Variants in NBEA observed in about 807,000 individuals in gnomAD.
The protein encoded by NBEA is neurobeachin.
Under a neutral mutation model 343.4 loss-of-function variants are expected in NBEA, and 44 were observed. That is an observed-to-expected ratio of 0.13 (90% confidence interval 0.10 to 0.16). NBEA has a LOEUF of 0.16. Ranked by LOEUF, NBEA falls within the 10% of genes least tolerant of loss-of-function variation. The pLI is 1.00. For missense variants in NBEA, 2,555 were observed against 3,631.3 expected, an observed-to-expected ratio of 0.70 and a Z score of 7.62; for synonymous variants, 1,175 against 1,238.7, an observed-to-expected ratio of 0.95 and a Z score of 1.08.
At chr13:35,245,171 T>G (rs2152781731) in intron 34 of NBEA, among the ~76,000 whole-genome samples, 1 of 152,272 alleles carries the variant, frequency 6.6e-6, no homozygotes, top group South Asian at 2.1e-4. Flanking sequence ...CCTTTTACCT[T>G]AATTTTATGT....
At chr13:35,483,089 A>G (rs1283762079) in intron 41 of NBEA, among the ~76,000 whole-genome samples, 1 of 151,996 alleles carries the variant, frequency 6.6e-6, no homozygotes, top group East Asian at 1.9e-4. Flanking sequence ...AATATTTCAG[A>G]TATATAAGCA....
chr13:35,286,896 A>G (rs761342183), intron 34 of NBEA, among the ~76,000 whole-genome samples: 3 of 151,988 alleles, frequency 2.0e-5, no homozygotes. Context: ...GTTTTTTTGG[A>G]TAATGGTTTA....
Position 35,206,133 on chromosome 13 carries a change from A to G in NBEA, c.5367-2567A>G, listed in dbSNP as rs899288035. On this transcript the variant is annotated intron_variant, in intron 31 of 58. Transcript: ENST00000379939. ...CATTTAACCTGTCTATATTTTACTT[A>G]TAAGTCATAATTATGGGATTTAGAG... is the stretch of plus-strand genomic sequence containing the variant. 3.9e-5 allele frequency among the ~76,000 whole-genome samples: 6 copies of G among 152,224 alleles called. No individual in the cohort carries two copies. The East Asian group carries it at 7.7e-4, about 20-fold the overall frequency.
At chr13:35,100,550 G>A (rs2065593513) in intron 11 of NBEA, among the ~76,000 whole-genome samples, 1 of 151,854 alleles carries the variant, frequency 6.6e-6, no homozygotes, top group Non-Finnish European at 1.5e-5. Context: ...ATTTCTGTGA[G>A]GACTTACCCC....
intron 41 of NBEA, among the ~76,000 whole-genome samples, chr13:35,523,441 G>A (rs2077815905): frequency 1.3e-5 from 2 of 152,164 alleles, no homozygotes; most frequent in South Asian, 2.1e-4. Context: ...TGTTTCCTGT[G>A]AGACATTCAG....
At position 35,404,743 on chromosome 13, in the gene NBEA, T is replaced by G. The variant is rs184781907; in HGVS notation, c.6180-27526T>G. On this transcript the variant is annotated intron_variant, in intron 38 of 58. Coordinates refer to ENST00000379939, the MANE Select transcript of NBEA (RefSeq NM_001385012.1). The stretch of plus-strand genomic sequence containing the variant: ...CATTGTGCACATGTACCCTAAAACT[T>G]AAAGTATAATAATAATAAAATTTAA... Among the ~76,000 whole-genome samples, 257 of 151,724 alleles carry G rather than the reference T, an allele frequency of 1.7e-3. 1 individual carries two copies. Among genetic ancestry groups the G allele is most frequent in the African/African-American group, 6.0e-3 (249 of 41,376 alleles).
At chr13:35,125,520 T>C (rs2067076370) in intron 17 of NBEA, among the ~76,000 whole-genome samples, 1 of 152,180 alleles carries the variant, frequency 6.6e-6, no homozygotes, top group Non-Finnish European at 1.5e-5. Flanking sequence ...ATGAGCTGTA[T>C]TTGTGGCAAG....
chr13:35,509,348 G>A (rs1309800614), intron 41 of NBEA, among the ~76,000 whole-genome samples: 1 of 152,092 alleles, frequency 6.6e-6, no homozygotes, highest in Non-Finnish European at 1.5e-5. Context: ...TCTGTCCCAG[G>A]TCATGTGAGG....
intron 33 of NBEA, among the ~76,000 whole-genome samples, chr13:35,226,684 C>CTT (rs74262863): frequency 5.3e-5 from 7 of 132,190 alleles, no homozygotes; most frequent in Non-Finnish European, 6.5e-5. Flanking sequence ...TGTTCTACAT[C>CTT]TTTTTTTTTT....
chr13:35,623,482 G>A (rs1167282390), intron 48 of NBEA, among the ~76,000 whole-genome samples: 2 of 151,914 alleles, frequency 1.3e-5, no homozygotes, highest in African/African-American at 2.4e-5. Flanking sequence ...ATAAAAAATC[G>A]ACAAGACTTT....
intron 33 of NBEA, among the ~76,000 whole-genome samples, chr13:35,230,488 A>G (rs896013554): frequency 8.5e-5 from 13 of 152,130 alleles, no homozygotes; most frequent in African/African-American, 2.9e-4. Flanking sequence ...AAAAATAATC[A>G]TACTTCATTT....
At chr13:35,166,162 G>T (rs2070007440) in intron 24 of NBEA, among the ~76,000 whole-genome samples, 1 of 151,890 alleles carries the variant, frequency 6.6e-6, no homozygotes. Context: ...TTTAAATTTT[G>T]CATGGAACAT....
chr13:35,095,313 A>G (rs780702723), intron 10 of NBEA, among the ~76,000 whole-genome samples: 85 of 150,886 alleles, frequency 5.6e-4, no homozygotes, highest in Non-Finnish European at 9.9e-4. Flanking sequence ...TGGAATATAA[A>G]TATATATATT....
At chr13:34,976,215 C>T (rs1183439097) in intron 1 of NBEA, among the ~76,000 whole-genome samples, 1 of 152,098 alleles carries the variant, frequency 6.6e-6, no homozygotes, top group Admixed American at 6.6e-5. Context: ...AAATGTGGTG[C>T]ATAAATACCA....
chr13:35,528,069 A>G (rs950307325), intron 41 of NBEA, among the ~76,000 whole-genome samples: 1 of 152,184 alleles, frequency 6.6e-6, no homozygotes, highest in Non-Finnish European at 1.5e-5. Flanking sequence ...GAAACTCCAC[A>G]TTATTATATG....
intron 6 of NBEA, among the ~76,000 whole-genome samples, chr13:35,053,961 A>G (rs1027374813): frequency 2.6e-5 from 4 of 152,142 alleles, no homozygotes; most frequent in Non-Finnish European, 4.4e-5. Context: ...TGGGAATCCA[A>G]TTCATGTCTT....
At chr13:35,187,503 T>C (rs2071807729) in intron 30 of NBEA, among the ~76,000 whole-genome samples, 1 of 150,386 alleles carries the variant, frequency 6.6e-6, no homozygotes, top group African/African-American at 2.4e-5. Flanking sequence ...ATAATAACTA[T>C]AATAAAGTAA....
At chr13:35,359,245 C>T (rs1008679369) in intron 38 of NBEA, among the ~76,000 whole-genome samples, 6 of 152,142 alleles carry the variant, frequency 3.9e-5, no homozygotes, top group Non-Finnish European at 5.9e-5. Flanking sequence ...GTTCAAATGT[C>T]ACCTTTTTCT....
At chr13:35,210,240 T>C (rs117095241) in intron 32 of NBEA, among the ~76,000 whole-genome samples, 3,499 of 151,822 alleles carry the variant, frequency 0.023, 48 homozygotes, top group Non-Finnish European at 0.037. Flanking sequence ...GTATATAATA[T>C]TATAATGAGA....
Sources: gnomAD v4.1 joint callset for allele counts (sites outside exome capture counted in the v4.1 genomes callset) on GRCh38, gnomAD v4.1.1 for gene constraint, MANE v1.5 for transcripts, NCBI Gene and HGNC (gene_info 2026-07-23, HGNC 2026-07-21) for gene names.